The following NRG3 variants were observed in gnomAD, a reference collection of about 807,000 sequenced individuals.
The protein encoded by NRG3 is pro-neuregulin-3, membrane-bound isoform.
In NRG3, 31 loss-of-function variants were observed where a neutral mutation model predicts 66.9. The observed-to-expected ratio is 0.46, with a 90% CI of 0.35 to 0.63. The LOEUF (loss-of-function observed/expected upper bound fraction) is 0.63. NRG3 is among the 20% of genes least tolerant of loss of function. The pLI is 0.00. For synonymous variants in NRG3, 393 were observed against 359.4 expected (o/e 1.09, Z -1.06); for missense variants, 910 against 878.9 (o/e 1.04, Z -0.45).
intron 2 of NRG3, among the ~76,000 whole-genome samples, chr10:82,500,989 G>A (rs906048052): frequency 6.6e-6 from 1 of 151,978 alleles, no homozygotes; most frequent in African/African-American, 2.4e-5. Flanking sequence ...AAATAAGATA[G>A]GGAAAAGAAT....
chr10:81,964,412 AAAAAAAG>A (rs1371592352), intron 1 of NRG3, among the ~76,000 whole-genome samples: 27 of 151,370 alleles, frequency 1.8e-4, no homozygotes, highest in African/African-American at 6.1e-4. Flanking sequence ...AAAAAAAAAA[AAAAAAAG>A]AAGAATATTA....
intron 2 of NRG3, among the ~76,000 whole-genome samples, chr10:82,370,575 C>T (rs988408830): frequency 9.5e-6 from 1 of 104,762 alleles, no homozygotes; most frequent in African/African-American, 8.6e-5. Context: ...AAAGGTGGGG[C>T]CTTTGCCAGG....
chr10:81,973,068 C>T (rs2059988803), intron 1 of NRG3, among the ~76,000 whole-genome samples: 1 of 152,050 alleles, frequency 6.6e-6, no homozygotes. Context: ...CCTCTCCCTC[C>T]TCCCACCCTT....
intron 1 of NRG3, among the ~76,000 whole-genome samples, chr10:82,035,778 T>G (rs763384175): frequency 1.6e-4 from 25 of 152,136 alleles, no homozygotes; most frequent in Middle Eastern, 6.3e-3. Flanking sequence ...GAATAATTTG[T>G]AATATCTTTA....
chr10:82,505,080 A>C lies in NRG3; in HGVS notation c.953+146212A>C, dbSNP rs1844548842. On this transcript the variant is annotated intron_variant, in intron 2 of 8. Coordinates refer to ENST00000372141, the MANE Select transcript of NRG3 (RefSeq NM_001010848.4). ...TAATGATCTAGCTATTTTTATTTTA[A>C]ATATTGCACAGATAATTTTGGAATC... is the stretch of plus-strand genomic sequence containing the variant. Among the ~76,000 whole-genome samples, 11 of 152,304 alleles carry C rather than the reference A, an allele frequency of 7.2e-5. 1 individual carries two copies. The South Asian group carries it at 2.3e-3, about 32-fold the overall frequency.
intron 2 of NRG3, among the ~76,000 whole-genome samples, chr10:82,446,498 A>G (rs924014310): frequency 7.9e-5 from 12 of 152,224 alleles, no homozygotes; most frequent in African/African-American, 2.7e-4. Flanking sequence ...AGAGGGATAG[A>G]GCTGGAAGCC....
chr10:82,317,825 A>T (rs560914489), intron 1 of NRG3, among the ~76,000 whole-genome samples: 5 of 152,306 alleles, frequency 3.3e-5, no homozygotes, highest in African/African-American at 1.2e-4. Flanking sequence ...GATGATTTTG[A>T]GGGCTCCAAA....
At chr10:81,910,151 G>A (rs1844990388) in intron 1 of NRG3, among the ~76,000 whole-genome samples, 1 of 152,122 alleles carries the variant, frequency 6.6e-6, no homozygotes. Context: ...CTAGAATCCT[G>A]TAGAATCAGT....
At chr10:82,831,006 T>G (rs1591654463) in intron 3 of NRG3, among the ~76,000 whole-genome samples, 1 of 152,324 alleles carries the variant, frequency 6.6e-6, no homozygotes, top group African/African-American at 2.4e-5. Flanking sequence ...ATTGAATGCC[T>G]TTATGTTAGT....
intron 4 of NRG3, among the ~76,000 whole-genome samples, chr10:82,919,096 T>TGTGTGTGTGC (rs1198329719): frequency 1.6e-5 from 2 of 127,120 alleles, no homozygotes; most frequent in African/African-American, 6.6e-5. Context: ...TGTGTGTGTG[T>TGTGTGTGTGC]GTGTATGTGT....
intron 1 of NRG3, among the ~76,000 whole-genome samples, chr10:81,899,150 A>T (rs1377264312): frequency 6.6e-6 from 1 of 152,222 alleles, no homozygotes; most frequent in Non-Finnish European, 1.5e-5. Flanking sequence ...TAAAACTCCG[A>T]TTCTCCAAAT....
At chr10:82,420,215 A>T (rs1044843938) in intron 2 of NRG3, among the ~76,000 whole-genome samples, 3 of 152,162 alleles carry the variant, frequency 2.0e-5, no homozygotes, top group African/African-American at 7.2e-5. Flanking sequence ...TGGTAATGGA[A>T]GGAAACAATC....
At chr10:82,071,093 T>A (rs2064781429) in intron 1 of NRG3, among the ~76,000 whole-genome samples, 1 of 152,138 alleles carries the variant, frequency 6.6e-6, no homozygotes, top group Non-Finnish European at 1.5e-5. Flanking sequence ...TAAACTCAGT[T>A]TTTAAGTCTC....
chr10:82,166,397 G>C (rs1276289982), intron 1 of NRG3, among the ~76,000 whole-genome samples: 3 of 152,000 alleles, frequency 2.0e-5, no homozygotes, highest in Non-Finnish European at 4.4e-5. Flanking sequence ...TATTTTAGTA[G>C]CTGTTTTAGG....
chr10:82,360,848 T>C (rs1262958480), intron 2 of NRG3, among the ~76,000 whole-genome samples: 1 of 152,194 alleles, frequency 6.6e-6, no homozygotes, highest in Non-Finnish European at 1.5e-5. Flanking sequence ...AGTTGATTCC[T>C]TTTGAGGCCT....
chr10:82,877,879 C>T (rs1841978194), intron 4 of NRG3, among the ~76,000 whole-genome samples: 2 of 152,172 alleles, frequency 1.3e-5, no homozygotes, highest in South Asian at 4.1e-4. Flanking sequence ...AGGTTCTGTA[C>T]CTCTACTGCA....
chr10:82,538,054 C>T (rs2043279909), intron 2 of NRG3, among the ~76,000 whole-genome samples: 1 of 152,054 alleles, frequency 6.6e-6, no homozygotes, highest in Non-Finnish European at 1.5e-5. Flanking sequence ...TTTTTGAGGA[C>T]CAAGTGAGTT....
chr10:82,798,874 C>T (rs1003785730), intron 3 of NRG3, among the ~76,000 whole-genome samples: 15 of 152,096 alleles, frequency 9.9e-5, no homozygotes, highest in African/African-American at 2.9e-4. Flanking sequence ...ATCCTTATCT[C>T]GGACCCCTTG....
At chr10:81,992,165 T>C (rs2060767750) in intron 1 of NRG3, among the ~76,000 whole-genome samples, 1 of 152,148 alleles carries the variant, frequency 6.6e-6, no homozygotes. Context: ...GTGAACAATG[T>C]AGCTGTTCCA....
Sources: gnomAD v4.1 joint callset for allele counts (sites outside exome capture counted in the v4.1 genomes callset) on GRCh38, gnomAD v4.1.1 for gene constraint, MANE v1.5 for transcripts, NCBI Gene and HGNC (gene_info 2026-07-23, HGNC 2026-07-21) for gene names.